TAFA2: variants seen among roughly 807,000 people sequenced by gnomAD.
The protein encoded by TAFA2 is TAFA chemokine like family member 2.
TAFA2 carries 7 observed loss-of-function variants against 18.8 expected under a neutral mutation model. The observed-to-expected ratio is 0.37, with a 90% CI of 0.21 to 0.70. The LOEUF is 0.70. TAFA2 is among the 30% of genes least tolerant of loss of function. The pLI, the probability that TAFA2 is intolerant of heterozygous loss-of-function variation, is 0.53. For missense variants in TAFA2, 122 were observed against 158.1 expected, an observed-to-expected ratio of 0.77 and a Z score of 1.23; for synonymous variants, 60 against 54.2, an observed-to-expected ratio of 1.11 and a Z score of -0.47.
intron 1 of TAFA2, among the ~76,000 whole-genome samples, chr12:62,212,906 G>A (rs763769408): frequency 1.1e-4 from 16 of 152,190 alleles, no homozygotes; most frequent in South Asian, 2.1e-4. Context: ...ATTATTAACA[G>A]AAGATTAAAA....
chr12:61,895,621 A>C (rs1415967802), intron 1 of TAFA2, among the ~76,000 whole-genome samples: 5 of 152,230 alleles, frequency 3.3e-5, no homozygotes, highest in Admixed American at 2.0e-4. Flanking sequence ...TTACTTCAGA[A>C]GACCTTAACA....
chr12:61,753,527 C>T, intron 4 of TAFA2, 95 bp downstream of exon 4: 1 of 1,149,008 alleles, frequency 8.7e-7, no homozygotes, highest in Non-Finnish European at 1.2e-6. Context: ...TATACTCTTC[C>T]ATTCCACAAT....
intron 1 of TAFA2, among the ~76,000 whole-genome samples, chr12:61,999,193 A>G (rs1880297473): frequency 6.6e-6 from 1 of 152,228 alleles, no homozygotes; most frequent in African/African-American, 2.4e-5. Flanking sequence ...TGAATGACAA[A>G]TTCAAAATAT....
intron 1 of TAFA2, among the ~76,000 whole-genome samples, chr12:61,901,604 T>C (rs2121318648): frequency 6.6e-6 from 1 of 152,264 alleles, no homozygotes; most frequent in Admixed American, 6.5e-5. Context: ...CAAAAACTTA[T>C]TTTCTCCAGA....
intron 1 of TAFA2, among the ~76,000 whole-genome samples, chr12:62,230,337 A>G (rs2062806907): frequency 6.6e-6 from 1 of 152,012 alleles, no homozygotes; most frequent in Admixed American, 6.6e-5. Flanking sequence ...TTTTTGATGT[A>G]AGCATTTATT....
At chr12:61,755,945 G>T (rs998469576) in intron 2 of TAFA2, among the ~76,000 whole-genome samples, 1 of 151,934 alleles carries the variant, frequency 6.6e-6, no homozygotes, top group African/African-American at 2.4e-5. Flanking sequence ...TTTGTTAAAA[G>T]ATTATGCTTT....
At chr12:61,990,485 G>A (rs373831640) in intron 1 of TAFA2, among the ~76,000 whole-genome samples, 1 of 151,730 alleles carries the variant, frequency 6.6e-6, no homozygotes, top group African/African-American at 2.4e-5. Context: ...GACTACAGGT[G>A]CCCGCCACCA....
At chr12:61,736,533 G>C (rs1388012553) in intron 4 of TAFA2, among the ~76,000 whole-genome samples, 4 of 152,046 alleles carry the variant, frequency 2.6e-5, no homozygotes, top group African/African-American at 9.6e-5. Context: ...ATCATGCTTA[G>C]ACTGTCTTCT....
intron 2 of TAFA2, among the ~76,000 whole-genome samples, chr12:61,836,732 G>GTT: frequency 8.9e-6 from 1 of 112,776 alleles, no homozygotes; most frequent in Non-Finnish European, 1.9e-5. Flanking sequence ...TTGCCAATTT[G>GTT]ATATATATAT....
chr12:62,254,375 C>T (rs925415890), intron 1 of TAFA2, among the ~76,000 whole-genome samples: 8 of 152,090 alleles, frequency 5.3e-5, no homozygotes, highest in Non-Finnish European at 1.0e-4. Context: ...AGTTAAGTAT[C>T]GGAGTAGGGC....
At position 62,121,253 on chromosome 12, in the gene TAFA2, G is replaced by A. The variant is rs576639651; in HGVS notation, c.-2+70006C>T. 2.0e-5 allele frequency among the ~76,000 whole-genome samples: 3 copies of A among 152,266 alleles called. No homozygotes were observed. The East Asian group carries it at 5.8e-4, about 29-fold the overall frequency. On this transcript the variant is annotated intron_variant, in intron 1 of 4. Coordinates refer to ENST00000416284, the MANE Select transcript of TAFA2 (RefSeq NM_178539.5). ...AACATATATACACCAATATGAGGAA[G>A]TTAGAAAGACTTTATTCCTGCCGGG...
At chr12:61,927,533 C>T (rs1014142876) in intron 1 of TAFA2, among the ~76,000 whole-genome samples, 3 of 152,146 alleles carry the variant, frequency 2.0e-5, no homozygotes, top group African/African-American at 4.8e-5. Context: ...AATGGGAAAA[C>T]ATTCCATGCT....
intron 1 of TAFA2, among the ~76,000 whole-genome samples, chr12:62,002,174 T>A (rs890995408): frequency 7.2e-5 from 11 of 152,212 alleles, no homozygotes; most frequent in African/African-American, 2.7e-4. Context: ...CGTTTTCATA[T>A]AGCCTAGGAC....
intron 1 of TAFA2, among the ~76,000 whole-genome samples, chr12:62,186,264 C>T (rs1284977469): frequency 6.6e-6 from 1 of 152,104 alleles, no homozygotes; most frequent in East Asian, 1.9e-4. Context: ...AAGGGCAACA[C>T]CGTTGCCCAT....
chr12:62,198,641 T>C (rs956648216), intron 1 of TAFA2, among the ~76,000 whole-genome samples: 13 of 152,226 alleles, frequency 8.5e-5, no homozygotes, highest in African/African-American at 3.1e-4. Flanking sequence ...TTCTAACTTA[T>C]GCAATAATGT....
chr12:61,912,199 G>T (rs1311322633), intron 1 of TAFA2, among the ~76,000 whole-genome samples: 1 of 152,174 alleles, frequency 6.6e-6, no homozygotes, highest in Non-Finnish European at 1.5e-5. Flanking sequence ...AAGAACCAGG[G>T]TGGGGATTCA....
chr12:62,101,320 C>T (rs1204082299), intron 1 of TAFA2, among the ~76,000 whole-genome samples: 2 of 152,132 alleles, frequency 1.3e-5, no homozygotes, highest in African/African-American at 4.8e-5. Context: ...CAAACTAATT[C>T]CTAAATGAGT....
At chr12:62,204,474 AG>A (rs2062683949) in intron 1 of TAFA2, among the ~76,000 whole-genome samples, 1 of 151,438 alleles carries the variant, frequency 6.6e-6, no homozygotes, top group African/African-American at 2.4e-5. Flanking sequence ...AATCAGTTGT[AG>A]GTTCAGTCTT....
intron 1 of TAFA2, among the ~76,000 whole-genome samples, chr12:62,178,209 A>T (rs1297746835): frequency 1.3e-5 from 2 of 152,176 alleles, no homozygotes; most frequent in Non-Finnish European, 2.9e-5. Context: ...CTGAGGCAGG[A>T]GGATCACTTG....
Sources: gnomAD v4.1 joint callset for allele counts (sites outside exome capture counted in the v4.1 genomes callset) on GRCh38, gnomAD v4.1.1 for gene constraint, MANE v1.5 for transcripts, NCBI Gene and HGNC (gene_info 2026-07-23, HGNC 2026-07-21) for gene names.